CARMIL1: variants seen among roughly 807,000 people sequenced by gnomAD.
The protein encoded by CARMIL1 is F-actin-uncapping protein LRRC16A.
Under a neutral mutation model 177.1 loss-of-function variants are expected in CARMIL1, and 90 were observed. That is an observed-to-expected ratio of 0.51 (90% CI 0.43 to 0.61). The LOEUF (loss-of-function observed/expected upper bound fraction) is 0.61. CARMIL1 is among the 20% of genes least tolerant of loss of function. CARMIL1 has a pLI of 0.00. For missense variants in CARMIL1, 1,380 were observed against 1,667.0 expected (o/e 0.83, Z 3.00); for synonymous variants, 577 against 606.2 (o/e 0.95, Z 0.71).
intron 29 of CARMIL1, among the ~76,000 whole-genome samples, chr6:25,578,920 G>A (rs867756665): frequency 6.6e-6 from 1 of 152,038 alleles, no homozygotes; most frequent in African/African-American, 2.4e-5. Context: ...AGACCAAGAG[G>A]AGAAAACTAG....
chr6:25,600,342 C>G lies in CARMIL1; in HGVS notation c.3148C>G (p.His1050Asp), dbSNP rs1373119506. Reference sequence around the variant, plus strand: ...ATGGTCAACAAGAGGCTCAGAGTCCCATGAGCTTAATGAAGGAGGAGATGA... The same window carrying G: ...ATGGTCAACAAGAGGCTCAGAGTCCGATGAGCTTAATGAAGGAGGAGATGA... The part of the protein sequence containing the change: ...KKWSTRGSES[H>D]ELNEGGDEKK... The change falls in exon 33 of 37, where the codon CAT becomes GAT. Residue 1050 changes from histidine (H) to aspartate (D), a missense_variant. His to Asp is a moderately conservative substitution (Grantham distance 81). Coordinates refer to ENST00000329474, the MANE Select transcript of CARMIL1 (RefSeq NM_017640.6). 13 of 1,613,444 alleles carry G rather than the reference C, an allele frequency of 8.1e-6. No individual in the cohort carries two copies. The highest frequency in any genetic ancestry group is 7.6e-6 in the Non-Finnish European group (9 of 1,179,702).
At chr6:25,295,030 T>C (rs2744293) in intron 2 of CARMIL1, among the ~76,000 whole-genome samples, 105,835 of 152,022 alleles carry the variant, frequency 0.7, 37,689 homozygotes, top group African/African-American at 0.84. Flanking sequence ...TACCTATGCA[T>C]TGCTTGGACA....
chr6:25,352,471 G>A (rs1414582006), intron 2 of CARMIL1, among the ~76,000 whole-genome samples: 1 of 152,080 alleles, frequency 6.6e-6, no homozygotes, highest in African/African-American at 2.4e-5. Context: ...AACCTTGACA[G>A]GAAAAATATG....
chr6:25,373,414 T>A (rs1790627533), intron 2 of CARMIL1, among the ~76,000 whole-genome samples: 1 of 148,180 alleles, frequency 6.7e-6, no homozygotes, highest in African/African-American at 2.5e-5. Flanking sequence ...TTTTTTGGTC[T>A]GTTCAGGATT....
rs553663481 is a variant in CARMIL1, at chr6:25,545,490, G to C, written c.2328+5412G>C. ...GAAAAATGGACAAATTTGCCATTGT[G>C]GTAGAGATCTTTTAAAATAACTGTC... On this transcript the variant is annotated intron_variant, in intron 26 of 36. Coordinates refer to ENST00000329474, the MANE Select transcript of CARMIL1 (RefSeq NM_017640.6). Among the ~76,000 whole-genome samples the C allele has an allele frequency of 1.5e-4, 23 of 152,262 alleles. 1 individual carries two copies. Among genetic ancestry groups the C allele is most frequent in the Admixed American group, 1.4e-3 (21 of 15,286 alleles).
chr6:25,527,744 G>A (rs760052312), intron 23 of CARMIL1: 1 of 416,750 alleles, frequency 2.4e-6, no homozygotes, highest in Non-Finnish European at 4.6e-6. Context: ...ATTTTGTTCT[G>A]CTTTATATTT....
At chr6:25,330,353 G>A (rs952361525) in intron 2 of CARMIL1, among the ~76,000 whole-genome samples, 6 of 152,152 alleles carry the variant, frequency 3.9e-5, no homozygotes, top group African/African-American at 1.4e-4. Flanking sequence ...TCAATTTAAG[G>A]AACAGAGATG....
intron 2 of CARMIL1, among the ~76,000 whole-genome samples, chr6:25,291,636 C>A (rs1241856554): frequency 6.6e-6 from 1 of 151,306 alleles, no homozygotes; most frequent in African/African-American, 2.4e-5. Flanking sequence ...AGACTTAGTG[C>A]CTGTTTAAAA....
At chr6:25,420,815 AT>A (rs1795798410) in intron 3 of CARMIL1, among the ~76,000 whole-genome samples, 5 of 152,196 alleles carry the variant, frequency 3.3e-5, no homozygotes, top group Admixed American at 3.3e-4. Flanking sequence ...ATAATGACTT[AT>A]TTTGTTTATG....
chr6:25,372,226 G>A (rs923320315), intron 2 of CARMIL1, among the ~76,000 whole-genome samples: 1 of 151,760 alleles, frequency 6.6e-6, no homozygotes, highest in Non-Finnish European at 1.5e-5. Flanking sequence ...GGATTGTTTT[G>A]GCTATTCAGG....
At chr6:25,361,366 G>C (rs1368281939) in intron 2 of CARMIL1, among the ~76,000 whole-genome samples, 41 of 152,082 alleles carry the variant, frequency 2.7e-4, no homozygotes, top group Admixed American at 2.7e-3. Context: ...CTAGGGGAAA[G>C]TCTTTACCTT....
intron 2 of CARMIL1, among the ~76,000 whole-genome samples, chr6:25,371,054 A>G (rs1790368985): frequency 6.6e-6 from 1 of 152,136 alleles, no homozygotes; most frequent in East Asian, 1.9e-4. Context: ...ACGTAGAATA[A>G]TGGCCTCCAG....
At chr6:25,578,808 TG>T (rs1812845102) in intron 29 of CARMIL1, among the ~76,000 whole-genome samples, 2 of 152,172 alleles carry the variant, frequency 1.3e-5, no homozygotes, top group Admixed American at 1.3e-4. Flanking sequence ...TACTTACCCT[TG>T]TAAAAAGCAC....
In CARMIL1 at chr6:25,517,299, C is replaced by T. The variant is rs781145073; in HGVS notation, c.1806-48C>T. The T allele has an allele frequency of 2.0e-5, 29 of 1,415,498 alleles. No homozygotes were observed. The Admixed American group carries it at 4.2e-4, about 21-fold the overall frequency. 87.7% of individuals were successfully genotyped at this position (1,415,498 alleles called of 1,614,324 possible). Reference sequence around the variant, plus strand: ...AGAGGTTTATATTCAATGTGAGAATCATTTTCTTTAAGTGTCTGATCATTT... The same window carrying T: ...AGAGGTTTATATTCAATGTGAGAATTATTTTCTTTAAGTGTCTGATCATTT... On this transcript the variant is annotated intron_variant, in intron 21 of 36. Transcript: ENST00000329474.
intron 2 of CARMIL1, among the ~76,000 whole-genome samples, chr6:25,418,047 T>C (rs1290138515): frequency 6.6e-6 from 1 of 152,164 alleles, no homozygotes; most frequent in East Asian, 1.9e-4. Flanking sequence ...TAATAACATG[T>C]AGACATATTG....
chr6:25,452,086 A>G, intron 8 of CARMIL1: 1 of 750,568 alleles, frequency 1.3e-6, no homozygotes, highest in South Asian at 1.3e-5. Context: ...GCTCTAGCCA[A>G]CTGAATCGGC....
intron 2 of CARMIL1, among the ~76,000 whole-genome samples, chr6:25,298,023 A>G (rs1581481899): frequency 6.6e-6 from 1 of 152,336 alleles, no homozygotes; most frequent in Admixed American, 6.5e-5. Context: ...AATCTTGGCC[A>G]AGTTATTTAA....
chr6:25,346,271 C>G (rs1014570645), intron 2 of CARMIL1, among the ~76,000 whole-genome samples: 2 of 152,238 alleles, frequency 1.3e-5, no homozygotes, highest in Middle Eastern at 6.8e-3. Context: ...TCCTTGTTTC[C>G]CCCTCTGGTC....
At position 25,581,341 on chromosome 6, in the gene CARMIL1, T is replaced by C. The variant is rs754193141; in HGVS notation, c.2908T>C (p.Phe970Leu). Residue 970 changes from phenylalanine to leucine, a missense_variant, in exon 31 of 37, where the codon TTT (phenylalanine) becomes CTT (leucine). By Grantham distance (22) the Phe-to-Leu change is conservative (BLOSUM62 0). Transcript: ENST00000329474. Reference sequence around the variant, plus strand: ...CAGACAGGAGAAGCGGAGCTCGGGATTTATCTCTGAGTTGCCCTCTGAAGA... The same window carrying C: ...CAGACAGGAGAAGCGGAGCTCGGGACTTATCTCTGAGTTGCCCTCTGAAGA... Reference protein sequence around the residue: ...SLRQEKRSSGFISELPSEEGK... With the variant: ...SLRQEKRSSGLISELPSEEGK... 2 of 1,613,764 alleles carry C rather than the reference T, an allele frequency of 1.2e-6. No individual in the cohort carries two copies. Among genetic ancestry groups the C allele is most frequent in the South Asian group, 2.2e-5 (2 of 91,036 alleles).
Sources: allele counts gnomAD v4.1 joint callset (sites outside exome capture counted in the v4.1 genomes callset), GRCh38; gene constraint gnomAD v4.1.1; transcripts MANE v1.5; gene names NCBI Gene and HGNC (gene_info 2026-07-23, HGNC 2026-07-21).